Variants in GBE1 observed in about 807,000 individuals in gnomAD.
GBE1 encodes 1,4-alpha-glucan-branching enzyme.
GBE1 carries 70 observed loss-of-function variants against 88.8 expected under a neutral mutation model. That is an observed-to-expected ratio of 0.79 (90% CI 0.65 to 0.96). The LOEUF (loss-of-function observed/expected upper bound fraction) is 0.96, where lower values mean the gene tolerates loss of function less well. Among genes scored for constraint, GBE1 ranks in the 40% least tolerant of loss-of-function variants. The pLI, the probability that GBE1 is intolerant of heterozygous loss-of-function variation, is 0.00. For missense variants in GBE1, 872 were observed against 871.0 expected (o/e 1.00, Z -0.01); for synonymous variants, 284 against 300.1 (o/e 0.95, Z 0.56).
At position 81,686,670 on chromosome 3, in the gene GBE1, G is replaced by A. The variant is rs373665465; in HGVS notation, c.314-15717C>T. Among the ~76,000 whole-genome samples the A allele has an allele frequency of 1.1e-4, 17 of 152,142 alleles. No homozygotes were observed. In the East Asian group the frequency reaches 2.1e-3, roughly 19 times the overall value. ...CTCTGGAGGCTGAGGCAGGAGAATC[G>A]CTTGAAACTGGGAGGCAGAGGTTGT... On this transcript the variant is annotated intron_variant, in intron 2 of 15. Transcript: ENST00000429644.
intron 12 of GBE1, among the ~76,000 whole-genome samples, chr3:81,561,967 T>C (rs1703424691): frequency 6.6e-6 from 1 of 152,084 alleles, no homozygotes; most frequent in African/African-American, 2.4e-5. Context: ...GCAACTTCCT[T>C]GCCTAAATAT....
Position 81,581,236 on chromosome 3 carries a change from C to T in GBE1, c.1375G>A (p.Asp459Asn), listed in dbSNP as rs752100789. Residue 459 changes from aspartate to asparagine, a missense_variant, in exon 11 of 16, where the codon GAT (aspartate) becomes AAT (asparagine). By Grantham distance (23) the Asp-to-Asn change is conservative. Transcript: ENST00000429644. ...EFKDEDWNMG[D>N]IVYTLTNRRY... is the part of the protein sequence containing the mutation. ...CTGTTTGTGAGCGTGTATACTATATCGCCCATGTTCCAGTCTTCATCTTTA... is the reference window on the plus strand; with the variant it reads ...CTGTTTGTGAGCGTGTATACTATATTGCCCATGTTCCAGTCTTCATCTTTA... The T allele has an allele frequency of 9.4e-6, 15 of 1,601,018 alleles. No individual in the cohort carries two copies. Among genetic ancestry groups the T allele is most frequent in the Middle Eastern group, 3.3e-4 (2 of 6,028 alleles).
At chr3:81,749,740 C>A (rs952539878) in intron 1 of GBE1, among the ~76,000 whole-genome samples, 1 of 152,126 alleles carries the variant, frequency 6.6e-6, no homozygotes, top group South Asian at 2.1e-4. Flanking sequence ...GGTAGAGGAG[C>A]CTTCTCTAAA....
chr3:81,646,092 G>C (rs1357949032), intron 6 of GBE1, among the ~76,000 whole-genome samples: 1 of 152,100 alleles, frequency 6.6e-6, no homozygotes, highest in Non-Finnish European at 1.5e-5. Flanking sequence ...CACAATAATG[G>C]CTTTCATAGG....
intron 1 of GBE1, among the ~76,000 whole-genome samples, chr3:81,712,823 TAAA>T (rs1406638816): frequency 6.6e-6 from 1 of 151,640 alleles, no homozygotes; most frequent in East Asian, 1.9e-4. Context: ...AATAAATAAA[TAAA>T]AAAGCTCTCC....
At chr3:81,711,607 A>G (rs1054139414) in intron 1 of GBE1, among the ~76,000 whole-genome samples, 1 of 152,188 alleles carries the variant, frequency 6.6e-6, no homozygotes, top group African/African-American at 2.4e-5. Flanking sequence ...GCAGCCTTGT[A>G]GAAAGCTGAA....
chr3:81,518,453 G>A (rs1702827658), intron 14 of GBE1, among the ~76,000 whole-genome samples: 1 of 151,354 alleles, frequency 6.6e-6, no homozygotes, highest in African/African-American at 2.4e-5. Context: ...ATATATTAAG[G>A]CAATCTAAAA....
chr3:81,508,921 A>C (rs918951658), intron 14 of GBE1, among the ~76,000 whole-genome samples: 1 of 152,016 alleles, frequency 6.6e-6, no homozygotes, highest in Non-Finnish European at 1.5e-5. Context: ...CTGTAAATGG[A>C]GGTAACACAT....
At chr3:81,525,662 T>C (rs894670854) in intron 14 of GBE1, among the ~76,000 whole-genome samples, 2 of 152,110 alleles carry the variant, frequency 1.3e-5, no homozygotes, top group Admixed American at 6.6e-5. Context: ...CATCTGGTCC[T>C]GGACTTTTTT....
At chr3:81,688,166 G>C (rs1008753175) in intron 2 of GBE1, among the ~76,000 whole-genome samples, 1 of 152,218 alleles carries the variant, frequency 6.6e-6, no homozygotes, top group Admixed American at 6.5e-5. Context: ...CACTACAGTG[G>C]ATATAGCTGA....
chr3:81,662,465 T>G (rs971258159), intron 3 of GBE1, among the ~76,000 whole-genome samples: 32 of 152,132 alleles, frequency 2.1e-4, no homozygotes, highest in African/African-American at 7.5e-4. Flanking sequence ...AGCATACCTA[T>G]GATTGTCCTT....
chr3:81,611,084 AT>A (rs140829542), intron 7 of GBE1, among the ~76,000 whole-genome samples: 9 of 152,004 alleles, frequency 5.9e-5, no homozygotes, highest in Admixed American at 2.6e-4. Flanking sequence ...CTAAAGAGTG[AT>A]TTTTTTTCCC....
chr3:81,631,952 T>TC (rs1354776031), intron 7 of GBE1, among the ~76,000 whole-genome samples: 3 of 152,056 alleles, frequency 2.0e-5, no homozygotes, highest in Non-Finnish European at 4.4e-5. Flanking sequence ...ATGCTATCCC[T>TC]CCCCTTGTCT....
chr3:81,749,899 A>G (rs192792468), intron 1 of GBE1, among the ~76,000 whole-genome samples: 361 of 152,278 alleles, frequency 2.4e-3, no homozygotes, highest in Non-Finnish European at 4.6e-3. Context: ...GCTAAAACCA[A>G]CCCTTAGGTT....
At chr3:81,569,287 T>C (rs1703538468) in intron 12 of GBE1, among the ~76,000 whole-genome samples, 1 of 152,164 alleles carries the variant, frequency 6.6e-6, no homozygotes, top group Non-Finnish European at 1.5e-5. Flanking sequence ...TTTACTTTGG[T>C]TTCAATGCTA....
At chr3:81,658,579 G>A (rs955306491) in intron 3 of GBE1, among the ~76,000 whole-genome samples, 6 of 152,130 alleles carry the variant, frequency 3.9e-5, no homozygotes, top group Non-Finnish European at 7.4e-5. Context: ...ATAAAAAGGA[G>A]TATTATCCCC....
Position 81,556,654 on chromosome 3 carries a change from T to C in GBE1, c.1619-19559A>G, listed in dbSNP as rs974386294. Among the ~76,000 whole-genome samples the C allele has an allele frequency of 9.2e-5, 14 of 152,200 alleles. 1 individual carries two copies. Among genetic ancestry groups the C allele is most frequent in the African/African-American group, 3.4e-4 (14 of 41,566 alleles). The stretch of plus-strand genomic sequence containing the variant: ...CCATTAAAGAAATACTTTTTAGGAA[T>C]GGTGGGAGCACAGGGTATAAACATC... On this transcript the variant is annotated intron_variant, in intron 12 of 15. Transcript: ENST00000429644.
intron 12 of GBE1, among the ~76,000 whole-genome samples, chr3:81,562,541 G>A (rs1169222264): frequency 1.3e-5 from 2 of 152,054 alleles, no homozygotes; most frequent in Non-Finnish European, 1.5e-5. Context: ...GGTGTGAAGA[G>A]AAGGGAATCA....
intron 12 of GBE1, among the ~76,000 whole-genome samples, chr3:81,552,098 T>C (rs1400920491): frequency 2.6e-5 from 4 of 152,250 alleles, no homozygotes; most frequent in Non-Finnish European, 5.9e-5. Context: ...TTGGTTGATC[T>C]GGCCAAACCC....
Sources: gnomAD v4.1 joint callset for allele counts (sites outside exome capture counted in the v4.1 genomes callset) on GRCh38, gnomAD v4.1.1 for gene constraint, MANE v1.5 for transcripts, NCBI Gene and HGNC (gene_info 2026-07-23, HGNC 2026-07-21) for gene names.